Variants in CCSER2 observed in about 807,000 individuals in gnomAD.
CCSER2 encodes the protein coiled-coil serine rich protein 2.
In CCSER2, 46 loss-of-function variants were observed where a neutral mutation model predicts 92.3. The observed-to-expected ratio is 0.50, with a 90% CI of 0.39 to 0.64. CCSER2 has a LOEUF of 0.64. Ranked by LOEUF, CCSER2 falls within the 30% of genes least tolerant of loss-of-function variation. The pLI is 0.00. For missense variants in CCSER2, 1,244 were observed against 1,238.9 expected (o/e 1.00, Z -0.06); for synonymous variants, 433 against 431.4 (o/e 1.00, Z -0.04).
At chr10:84,401,701 C>G (rs1234840388) in intron 3 of CCSER2, among the ~76,000 whole-genome samples, 1 of 152,160 alleles carries the variant, frequency 6.6e-6, no homozygotes, top group Admixed American at 6.6e-5. Flanking sequence ...CAGCAATAAC[C>G]TCACACTAAA....
intron 1 of CCSER2, among the ~76,000 whole-genome samples, chr10:84,342,029 G>T (rs1306379399): frequency 6.6e-6 from 1 of 152,026 alleles, no homozygotes; most frequent in Non-Finnish European, 1.5e-5. Flanking sequence ...TTACATCATT[G>T]GCCATTGGTG....
chr10:84,383,610 G>A (rs1484721460), intron 3 of CCSER2, among the ~76,000 whole-genome samples: 1 of 152,086 alleles, frequency 6.6e-6, no homozygotes, highest in African/African-American at 2.4e-5. Flanking sequence ...GTACCCGGCT[G>A]AGGTGCTTTA....
chr10:84,353,380 C>G (rs1443269001), intron 1 of CCSER2, among the ~76,000 whole-genome samples: 1 of 152,120 alleles, frequency 6.6e-6, no homozygotes, highest in Non-Finnish European at 1.5e-5. Context: ...ATATGCCAGG[C>G]TCTGTGCTAG....
chr10:84,337,800 C>T (rs184974182), intron 1 of CCSER2, among the ~76,000 whole-genome samples: 18 of 152,000 alleles, frequency 1.2e-4, no homozygotes, highest in African/African-American at 3.1e-4. Flanking sequence ...TTGAGGGCTT[C>T]GGTATTTAAA....
At chr10:84,475,294 A>G (rs1254960190) in intron 8 of CCSER2, among the ~76,000 whole-genome samples, 3 of 152,216 alleles carry the variant, frequency 2.0e-5, no homozygotes, top group Admixed American at 6.5e-5. Context: ...ATAGAAGGTG[A>G]GCATCTGTAC....
At chr10:84,452,366 A>G (rs932436975) in intron 6 of CCSER2, 12 of 152,236 alleles carry the variant, frequency 7.9e-5, no homozygotes, top group African/African-American at 2.9e-4. Flanking sequence ...TTATAGTATT[A>G]GAACAAAAGT....
chr10:84,360,993 T>C (rs1280556754), intron 1 of CCSER2, among the ~76,000 whole-genome samples: 1 of 152,170 alleles, frequency 6.6e-6, no homozygotes, highest in East Asian at 1.9e-4. Context: ...TGCCCCTGGG[T>C]GAGAAGTCTT....
chr10:84,431,926 C>A (rs1843794201), intron 5 of CCSER2, among the ~76,000 whole-genome samples: 1 of 152,154 alleles, frequency 6.6e-6, no homozygotes, highest in South Asian at 2.1e-4. Context: ...TATCAAGGAG[C>A]ACTATTGCTG....
intron 8 of CCSER2, 65 bp downstream of exon 8, chr10:84,470,523 T>C: frequency 1.6e-6 from 2 of 1,281,398 alleles, no homozygotes; most frequent in Non-Finnish European, 2.0e-6. Flanking sequence ...TTCATAAAAC[T>C]CTGAGCCAGA....
intron 3 of CCSER2, among the ~76,000 whole-genome samples, chr10:84,401,888 A>G (rs1334295366): frequency 6.6e-6 from 1 of 152,200 alleles, no homozygotes; most frequent in African/African-American, 2.4e-5. Context: ...CCAGTTCTAT[A>G]CTACACCCAA....
At position 84,328,663 on chromosome 10, in the gene CCSER2, G is replaced by T. The variant is rs1322302915; in HGVS notation, c.-185G>T. ...TCCGGCGCTCCCTCAGGCCGCGGAC[G>T]CGATGCTGGTTGCTGCGGCTCGGGC... On this transcript the variant is annotated 5_prime_UTR_variant, in exon 1 of 10. Coordinates refer to ENST00000372088, the MANE Select transcript of CCSER2 (RefSeq NM_001284240.2). The T allele has an allele frequency of 1.3e-5, 2 of 151,414 alleles. No individual in the cohort carries two copies. The highest frequency in any genetic ancestry group is 3.4e-3 in the Middle Eastern group (1 of 292). The allele number at this position is 151,414 out of a possible 1,614,324, so 9.4% of individuals were successfully genotyped here.
chr10:84,490,190 G>A (rs557709156), intron 9 of CCSER2, among the ~76,000 whole-genome samples: 106 of 152,142 alleles, frequency 7.0e-4, no homozygotes, highest in African/African-American at 2.1e-3. Flanking sequence ...CTTCATTTCA[G>A]CTTTGGTGAA....
chr10:84,462,640 A>G (rs1846170439), intron 6 of CCSER2, among the ~76,000 whole-genome samples: 1 of 152,216 alleles, frequency 6.6e-6, no homozygotes, highest in African/African-American at 2.4e-5. Flanking sequence ...CAAAGTCTTA[A>G]TGTCCATTTG....
chr10:84,390,287 A>G (rs2133255155), intron 3 of CCSER2, among the ~76,000 whole-genome samples: 1 of 152,260 alleles, frequency 6.6e-6, no homozygotes, highest in South Asian at 2.1e-4. Flanking sequence ...ATTTACAGTT[A>G]TGCATTATTT....
chr10:84,437,195 A>G (rs1470893611), intron 5 of CCSER2, among the ~76,000 whole-genome samples: 1 of 151,996 alleles, frequency 6.6e-6, no homozygotes, highest in Non-Finnish European at 1.5e-5. Flanking sequence ...AGAGAGAGAC[A>G]GACAGACAGC....
intron 1 of CCSER2, among the ~76,000 whole-genome samples, chr10:84,339,436 C>T (rs995703411): frequency 2.0e-5 from 3 of 151,692 alleles, no homozygotes; most frequent in Non-Finnish European, 2.9e-5. Flanking sequence ...TTTGACATCT[C>T]TCTGCTTTTG....
At chr10:84,490,253 G>A (rs1056651308) in intron 9 of CCSER2, among the ~76,000 whole-genome samples, 5 of 152,076 alleles carry the variant, frequency 3.3e-5, no homozygotes, top group East Asian at 1.9e-4. Flanking sequence ...TCTTTGCGGC[G>A]TTCTCTGTAT....
Position 84,480,985 on chromosome 10 carries a change from C to T in CCSER2, c.2325+3321C>T, listed in dbSNP as rs116357420. On this transcript the variant is annotated intron_variant, in intron 9 of 9. Transcript: ENST00000372088. ...TTTACTGGATGGTCTTTGTAAGGTT[C>T]TTGAAATAAATTACTACAGTTTTTT... Among the ~76,000 whole-genome samples, 1,343 of 152,130 alleles carry T rather than the reference C, an allele frequency of 8.8e-3. 17 individuals are homozygous for T. Among genetic ancestry groups the T allele is most frequent in the African/African-American group, 0.031 (1,272 of 41,506 alleles).
chr10:84,365,273 T>A (rs1329360268), intron 1 of CCSER2, among the ~76,000 whole-genome samples: 1 of 152,190 alleles, frequency 6.6e-6, no homozygotes, highest in African/African-American at 2.4e-5. Context: ...ATGGATTTTT[T>A]AGACACCTAA....
Sources: allele counts gnomAD v4.1 joint callset (sites outside exome capture counted in the v4.1 genomes callset), GRCh38; gene constraint gnomAD v4.1.1; transcripts MANE v1.5; gene names NCBI Gene and HGNC (gene_info 2026-07-23, HGNC 2026-07-21).